The following DAB1 variants were observed in gnomAD, a reference collection of about 807,000 sequenced individuals.
The protein encoded by DAB1 is disabled homolog 1.
Under a neutral mutation model 64.6 loss-of-function variants are expected in DAB1, and 15 were observed. The ratio of observed to expected loss-of-function variants is 0.23; its 90% CI spans 0.16 to 0.36. The LOEUF is 0.36. DAB1 is among the 10% of genes least tolerant of loss of function. The pLI is 1.00. For missense variants in DAB1, 596 were observed against 706.7 expected (o/e 0.84, Z 1.78); for synonymous variants, 235 against 251.9 (o/e 0.93, Z 0.64).
intron 3 of DAB1, among the ~76,000 whole-genome samples, chr1:58,470,905 A>G (rs1175196018): frequency 6.6e-6 from 1 of 152,156 alleles, no homozygotes; most frequent in Non-Finnish European, 1.5e-5. Flanking sequence ...CCTGGACTGT[A>G]GACTTGGATC....
intron 3 of DAB1, chr1:58,468,380 T>C (rs1423024555): frequency 1.3e-5 from 2 of 152,262 alleles, no homozygotes; most frequent in South Asian, 2.1e-4. Flanking sequence ...TTGAGATGTA[T>C]GTATGTTGAT....
chr1:57,521,443 G>GT (rs56887634), intron 7 of DAB1, among the ~76,000 whole-genome samples: 11,176 of 149,792 alleles, frequency 0.075, 1,267 homozygotes, highest in African/African-American at 0.25. Flanking sequence ...TGAACGACAA[G>GT]TTTTTTTTTT....
chr1:57,798,340 G>T (rs1266739575), intron 6 of DAB1, among the ~76,000 whole-genome samples: 1 of 152,210 alleles, frequency 6.6e-6, no homozygotes, highest in African/African-American at 2.4e-5. Context: ...GTAAGTTCTG[G>T]TCTATGGACA....
At chr1:57,096,229 G>A (rs938326019) in intron 4 of DAB1, among the ~76,000 whole-genome samples, 7 of 152,048 alleles carry the variant, frequency 4.6e-5, no homozygotes, top group African/African-American at 1.4e-4. Flanking sequence ...CTCCAGAGCC[G>A]GTGGTTTTTT....
At chr1:58,075,603 T>C (rs910627639) in intron 5 of DAB1, among the ~76,000 whole-genome samples, 15 of 152,250 alleles carry the variant, frequency 9.9e-5, no homozygotes, top group Admixed American at 9.8e-4. Flanking sequence ...GGAATGTTTG[T>C]TACTGCAGCA....
intron 1 of DAB1, among the ~76,000 whole-genome samples, chr1:57,399,396 T>C (rs1369287044): frequency 1.3e-5 from 2 of 152,228 alleles, no homozygotes; most frequent in Non-Finnish European, 2.9e-5. Context: ...CAAGATGGAA[T>C]TGTCCTAATT....
At chr1:57,218,027 C>A (rs1347112440) in intron 2 of DAB1, among the ~76,000 whole-genome samples, 1 of 152,110 alleles carries the variant, frequency 6.6e-6, no homozygotes, top group Non-Finnish European at 1.5e-5. Context: ...GAGGGAGACC[C>A]ATAATTATGG....
intron 5 of DAB1, among the ~76,000 whole-genome samples, chr1:57,971,157 C>A (rs1029633323): frequency 1.3e-5 from 2 of 152,148 alleles, no homozygotes; most frequent in Non-Finnish European, 2.9e-5. Context: ...AGACTTGGAT[C>A]TTTTGGCTTC....
chr1:58,192,679 G>A (rs949692552), intron 4 of DAB1, among the ~76,000 whole-genome samples: 48 of 152,088 alleles, frequency 3.2e-4, no homozygotes, highest in African/African-American at 1.1e-3. Flanking sequence ...GTGTATGTAT[G>A]TCTCGCATTT....
chr1:58,279,890 C>T (rs1212655794), intron 4 of DAB1, among the ~76,000 whole-genome samples: 1 of 152,118 alleles, frequency 6.6e-6, no homozygotes, highest in Non-Finnish European at 1.5e-5. Flanking sequence ...TTTGCCGTGA[C>T]TTTGCAGATC....
At chr1:57,172,285 T>C (rs974378654) in intron 2 of DAB1, among the ~76,000 whole-genome samples, 1 of 152,160 alleles carries the variant, frequency 6.6e-6, no homozygotes, top group Non-Finnish European at 1.5e-5. Context: ...CTTCAACATA[T>C]GAATGAGGAC....
At chr1:58,444,621 T>C (rs1645045809) in intron 3 of DAB1, among the ~76,000 whole-genome samples, 1 of 152,232 alleles carries the variant, frequency 6.6e-6, no homozygotes, top group South Asian at 2.1e-4. Flanking sequence ...TGCACCCTGA[T>C]TCTTGCATGT....
At chr1:57,394,090 T>C (rs1465911414) in intron 1 of DAB1, among the ~76,000 whole-genome samples, 1 of 152,226 alleles carries the variant, frequency 6.6e-6, no homozygotes, top group African/African-American at 2.4e-5. Context: ...GTTTCTCTGT[T>C]AACCTTTATC....
chr1:57,401,082 G>T (rs1271709487), intron 1 of DAB1, among the ~76,000 whole-genome samples: 2 of 151,534 alleles, frequency 1.3e-5, no homozygotes. Flanking sequence ...CTACCATAAG[G>T]TGCTAAATAA....
At chr1:58,107,638 T>G (rs1651739482) in intron 5 of DAB1, among the ~76,000 whole-genome samples, 1 of 152,014 alleles carries the variant, frequency 6.6e-6, no homozygotes, top group East Asian at 1.9e-4. Context: ...GTTTTTGAGA[T>G]GGAGTTTTGC....
chr1:58,499,078 G>C lies in DAB1; in HGVS notation n.257+6982C>G, dbSNP rs536899742. On this transcript the variant is annotated intron_variant and non_coding_transcript_variant, in intron 3 of 20. Coordinates refer to the DAB1 transcript ENST00000485760. ...TGAACATGATAAAATCCTACCATTT[G>C]TAACAGTATGGATAAATCTGGAGGA... Among the ~76,000 whole-genome samples the C allele has an allele frequency of 7.9e-5, 12 of 152,146 alleles. No homozygotes were observed. The South Asian group carries it at 2.3e-3, about 29-fold the overall frequency.
intron 6 of DAB1, among the ~76,000 whole-genome samples, chr1:57,706,422 A>G (rs1012438947): frequency 1.3e-5 from 2 of 151,742 alleles, no homozygotes; most frequent in Non-Finnish European, 2.9e-5. Flanking sequence ...TCAATCCTCA[A>G]TCCTCCCACC....
At chr1:57,255,736 A>C (rs1390807366) in intron 2 of DAB1, among the ~76,000 whole-genome samples, 1 of 152,220 alleles carries the variant, frequency 6.6e-6, no homozygotes, top group African/African-American at 2.4e-5. Flanking sequence ...AGACTAAACC[A>C]GAATATTATC....
Position 57,292,724 on chromosome 1 carries a change from A to AT in DAB1, c.-136-1559dup, listed in dbSNP as rs35110756. Among the ~76,000 whole-genome samples, 1,240 of 152,256 alleles carry AT rather than the reference A, an allele frequency of 8.1e-3. 31 individuals are homozygous for AT. The highest frequency in any genetic ancestry group is 0.08 in the East Asian group (411 of 5,168). ...TACTAGCTCATTCATGTTAACAGACATTTACCATGTAACCATGCTGGCCAA... is the reference window on the plus strand; with the variant it reads ...TACTAGCTCATTCATGTTAACAGACATTTTACCATGTAACCATGCTGGCCAA... On this transcript the variant is annotated intron_variant, in intron 1 of 14. Transcript: ENST00000371236.
Sources: allele counts gnomAD v4.1 joint callset (sites outside exome capture counted in the v4.1 genomes callset), GRCh38; gene constraint gnomAD v4.1.1; transcripts MANE v1.5; gene names NCBI Gene and HGNC (gene_info 2026-07-23, HGNC 2026-07-21).